The following DTNA variants were observed in gnomAD, a reference collection of about 807,000 sequenced individuals.
DTNA encodes the protein dystrobrevin alpha, also known as dystrophin-related protein 3.
A neutral mutation model predicts 100.7 loss-of-function variants in DTNA; 43 were observed. That is an observed-to-expected ratio of 0.43 (90% CI 0.33 to 0.55). DTNA has a LOEUF of 0.55. Ranked by LOEUF, DTNA falls within the 20% of genes least tolerant of loss-of-function variation. The pLI is 0.04. For missense variants in DTNA, 798 were observed against 953.9 expected (o/e 0.84, Z 2.15); for synonymous variants, 349 against 347.9 (o/e 1.00, Z -0.04).
chr18:34,670,860 T>C (rs2076650130), intron 1 of DTNA, among the ~76,000 whole-genome samples: 1 of 152,212 alleles, frequency 6.6e-6, no homozygotes, highest in African/African-American at 2.4e-5. Flanking sequence ...GATAGGCTAC[T>C]CGGGGGTCAG....
rs188946967 is a variant in DTNA, at chr18:34,857,861, G to T, written c.1533-424G>T. Among the ~76,000 whole-genome samples the T allele has an allele frequency of 9.2e-5, 14 of 152,284 alleles. 1 individual carries two copies. The highest frequency in any genetic ancestry group is 1.9e-4 in the Non-Finnish European group (13 of 68,022). On this transcript the variant is annotated intron_variant, in intron 15 of 22. Transcript: ENST00000444659. ...TTTCCCTTCAGGCTCCTCTTACTTG[G>T]TAGCTGCAGGTACTTTACGGTGTCA... is the stretch of plus-strand genomic sequence containing the variant.
chr18:34,634,062 A>T (rs1237263027), intron 1 of DTNA, among the ~76,000 whole-genome samples: 1 of 152,204 alleles, frequency 6.6e-6, no homozygotes, highest in African/African-American at 2.4e-5. Flanking sequence ...AACATAGTGC[A>T]TATCTATCTG....
At chr18:34,756,911 G>A (rs892695297) in intron 2 of DTNA, among the ~76,000 whole-genome samples, 2 of 152,186 alleles carry the variant, frequency 1.3e-5, no homozygotes, top group African/African-American at 2.4e-5. Context: ...GCAAGAGTGA[G>A]TGGTAAGCCT....
chr18:34,735,686 A>G (rs970102458), intron 1 of DTNA, among the ~76,000 whole-genome samples: 3 of 151,932 alleles, frequency 2.0e-5, no homozygotes, highest in African/African-American at 7.3e-5. Flanking sequence ...TAACATTTTT[A>G]TTTTCATTTT....
rs548944740 is a variant in DTNA, at chr18:34,798,086, G to A, written c.362+3836G>A. On this transcript the variant is annotated intron_variant, in intron 4 of 22. Transcript: ENST00000444659. ...ACAATCTTAGCTCACTGCAGCCTTCGCCTCCTGGCCTAGAGCAATTCTTGT... is the reference window on the plus strand; with the variant it reads ...ACAATCTTAGCTCACTGCAGCCTTCACCTCCTGGCCTAGAGCAATTCTTGT... Among the ~76,000 whole-genome samples the A allele has an allele frequency of 5.9e-5, 9 of 152,106 alleles. No individual in the cohort carries two copies. The South Asian group carries it at 8.3e-4, about 14-fold the overall frequency.
intron 1 of DTNA, among the ~76,000 whole-genome samples, chr18:34,617,790 C>T (rs554667336): frequency 6.6e-6 from 1 of 152,196 alleles, no homozygotes; most frequent in East Asian, 1.9e-4. Flanking sequence ...AGACATAATG[C>T]TATTGCACAC....
At chr18:34,794,343 CTCT>C in intron 4 of DTNA, 93 bp downstream of exon 4, 1 of 1,403,492 alleles carries the variant, frequency 7.1e-7, no homozygotes, top group Non-Finnish European at 9.9e-7. Flanking sequence ...TTATATCTCT[CTCT>C]TTTTTTTTTT....
intron 16 of DTNA, among the ~76,000 whole-genome samples, chr18:34,862,731 CTG>C (rs1056479023): frequency 1.4e-4 from 22 of 152,170 alleles, no homozygotes; most frequent in African/African-American, 5.3e-4. Context: ...ACCCAGGAGA[CTG>C]AGGTTACAAT....
intron 1 of DTNA, among the ~76,000 whole-genome samples, chr18:34,628,661 A>G (rs2057665888): frequency 6.6e-6 from 1 of 152,204 alleles, no homozygotes; most frequent in South Asian, 2.1e-4. Context: ...ATTTGTTGTA[A>G]TTGTCAAGTT....
intron 1 of DTNA, among the ~76,000 whole-genome samples, chr18:34,529,331 G>A (rs1055108982): frequency 1.6e-4 from 24 of 152,058 alleles, no homozygotes; most frequent in East Asian, 5.8e-4. Context: ...TGAAGTCAGC[G>A]TATAATATGG....
chr18:34,741,794 A>G (rs1166613916), intron 1 of DTNA, among the ~76,000 whole-genome samples: 2 of 152,228 alleles, frequency 1.3e-5, no homozygotes, highest in Non-Finnish European at 2.9e-5. Context: ...TGGTCAATTT[A>G]TTAAATATTG....
At chr18:34,773,735 C>T (rs1356477777) in intron 3 of DTNA, among the ~76,000 whole-genome samples, 1 of 152,184 alleles carries the variant, frequency 6.6e-6, no homozygotes, top group African/African-American at 2.4e-5. Flanking sequence ...AAAAACTGCT[C>T]CTCTCTGGCA....
intron 10 of DTNA, chr18:34,828,939 G>A: frequency 7.5e-7 from 1 of 1,325,254 alleles, no homozygotes; most frequent in Admixed American, 1.7e-5. Context: ...GACCTGATGT[G>A]ATGTTTAGAA....
chr18:34,760,049 C>A (rs916252388), intron 2 of DTNA: 1 of 152,030 alleles, frequency 6.6e-6, no homozygotes, highest in Non-Finnish European at 1.5e-5. Flanking sequence ...GGCACATGCA[C>A]GATTGGAAAG....
chr18:34,878,736 T>A (rs924455119), intron 19 of DTNA, among the ~76,000 whole-genome samples: 4 of 152,212 alleles, frequency 2.6e-5, no homozygotes, highest in Non-Finnish European at 5.9e-5. Flanking sequence ...CTTTTAATAC[T>A]ACAAAGAGTG....
chr18:34,842,756 C>G (rs964291690), intron 13 of DTNA, among the ~76,000 whole-genome samples: 1 of 152,166 alleles, frequency 6.6e-6, no homozygotes, highest in East Asian at 1.9e-4. Flanking sequence ...ACACCTCCCC[C>G]AGTAGGTCCT....
intron 1 of DTNA, among the ~76,000 whole-genome samples, chr18:34,619,130 C>T (rs762675443): frequency 8.6e-5 from 13 of 152,012 alleles, no homozygotes; most frequent in Non-Finnish European, 1.8e-4. Flanking sequence ...ATTGGAGGGG[C>T]AAGAGTATGA....
At chr18:34,695,196 T>C (rs955339131) in intron 1 of DTNA, among the ~76,000 whole-genome samples, 6 of 152,222 alleles carry the variant, frequency 3.9e-5, no homozygotes, top group African/African-American at 1.4e-4. Context: ...AATTCAGTTA[T>C]TAATAGGAAT....
intron 16 of DTNA, among the ~76,000 whole-genome samples, chr18:34,859,280 G>A (rs961351151): frequency 2.6e-5 from 4 of 151,974 alleles, no homozygotes; most frequent in Non-Finnish European, 4.4e-5. Flanking sequence ...TGGACAAAAC[G>A]CACAAACAAA....
Sources: allele counts gnomAD v4.1 joint callset (sites outside exome capture counted in the v4.1 genomes callset), GRCh38; gene constraint gnomAD v4.1.1; transcripts MANE v1.5; gene names NCBI Gene and HGNC (gene_info 2026-07-23, HGNC 2026-07-21).